Variants in SUV39H1 observed in about 807,000 individuals in gnomAD.
SUV39H1 encodes SUV39H1 histone lysine methyltransferase.
For missense variants in SUV39H1, 180 were observed against 386.3 expected, an observed-to-expected ratio of 0.47 and a Z score of 4.48; for synonymous variants, 141 against 150.5, an observed-to-expected ratio of 0.94 and a Z score of 0.46.
In SUV39H1 at chrX:48,700,174, G is replaced by A; in HGVS notation, c.249G>A (p.Val83=). 1 of 1,201,953 alleles carries A rather than the reference G, an allele frequency of 8.3e-7. No homozygotes were observed. Among genetic ancestry groups the A allele is most frequent in the East Asian group, 3.0e-5 (1 of 33,493 alleles). ...TWEPRQNLKC[V]RILKQFHKDL... ...AGCCACGGCAGAATCTCAAGTGTGT[G>A]CGTATCCTCAAGCAGTTCCACAAGG... Residue 83 remains valine (V), a synonymous_variant, in exon 3 of 6, where the codon GTG becomes GTA. Coordinates refer to ENST00000376687, the MANE Select transcript of SUV39H1 (RefSeq NM_003173.4).
upstream of SUV39H1, chrX:48,695,830 T>A: frequency 8.7e-7 from 1 of 1,155,859 alleles, no homozygotes; most frequent in African/African-American, 1.8e-5. Flanking sequence ...ATGGTGGGGA[T>A]GAGTCGCCTG....
rs781829737 is a variant in SUV39H1 at position 48,706,737 on chromosome X, G to A, written c.1105+110G>A. 5 of 935,462 alleles carry A rather than the reference G, an allele frequency of 5.3e-6. No individual in the cohort carries two copies. The African/African-American group carries it at 6.0e-5, about 11-fold the overall frequency. The allele number at this position is 935,462 out of a possible 1,213,427, so 77.1% of individuals were successfully genotyped here. A position where few individuals can be genotyped will look rare whatever the true frequency, so the allele number is the denominator to read the frequency against. On this transcript the variant is annotated intron_variant, in intron 5 of 5. Coordinates refer to ENST00000376687, the MANE Select transcript of SUV39H1 (RefSeq NM_003173.4). ...AGAACCAAGGAAAATTCTTTAGCGG[G>A]AGCTTTAAGATGCTCTTCCTGACTC...
chrX:48,696,616 G>T, upstream of SUV39H1: 1 of 625,502 alleles, frequency 1.6e-6, no homozygotes, highest in South Asian at 3.6e-5. Context: ...CCGCCTCCGG[G>T]ACCGAGCCGG....
At position 48,696,817 on chromosome X, in the gene SUV39H1, G is replaced by A. The variant is rs1557008687; in HGVS notation, c.19+14G>A. On this transcript the variant is annotated intron_variant, in intron 1 of 5. Coordinates refer to ENST00000376687, the MANE Select transcript of SUV39H1 (RefSeq NM_003173.4). ...AAAATTTAAAAGGTGAAGCAGTGGA[G>A]GCAGAGGCGCGGGCCCGCTGGCCGG... is the stretch of plus-strand genomic sequence containing the variant. 1.2e-5 allele frequency: 13 copies of A among 1,122,281 alleles called. No homozygotes were observed. The highest frequency in any genetic ancestry group is 4.1e-5 in the South Asian group (2 of 48,921). The allele number at this position is 1,122,281 out of a possible 1,213,427, so 92.5% of individuals were successfully genotyped here. A position where few individuals can be genotyped will look rare whatever the true frequency, so the allele number is the denominator to read the frequency against.
At chrX:48,705,615 GCTT>G (rs1477677284) in intron 3 of SUV39H1, among the ~76,000 whole-genome samples, 1 of 112,464 alleles carries the variant, frequency 8.9e-6, no homozygotes, top group African/African-American at 3.2e-5. Flanking sequence ...CCGAGGGAGA[GCTT>G]CTCTCACTGT....
rs782590726 is a variant in SUV39H1 at position 48,700,301 on chromosome X, C to T, written c.376C>T (p.Arg126Trp). 6 of 1,207,160 alleles carry T rather than the reference C, an allele frequency of 5.0e-6. No homozygotes were observed. Among genetic ancestry groups the T allele is most frequent in the Non-Finnish European group, 6.7e-6 (6 of 892,777 alleles). ...NYLVQKAKQR[R>W]ALRRWEQELN... ...CCTGGTGCAGAAGGCCAAGCAGAGG[C>T]GGGCGCTCCGTCGCTGGGAGCAGGA... The change falls in exon 3 of 6, where the codon CGG becomes TGG. Residue 126 changes from arginine to tryptophan, a missense_variant. By Grantham distance (101) the Arg-to-Trp change is moderately radical. Transcript: ENST00000376687.
intron 1 of SUV39H1, among the ~76,000 whole-genome samples, chrX:48,698,530 T>TG (rs1482804928): frequency 1.8e-5 from 2 of 111,284 alleles, no homozygotes; most frequent in African/African-American, 6.5e-5. Flanking sequence ...CCTACTGAGA[T>TG]GGGGGGTTGT....
Position 48,700,397 on chromosome X carries a change from C to T in SUV39H1, c.472C>T (p.Arg158Trp), listed in dbSNP as rs1457998837. ...TGAGGTGGACCTGGACGGCCCTCCG[C>T]GGGCCTTCGTGTACATCAATGAGTA... is the stretch of plus-strand genomic sequence containing the variant. ...ENEVDLDGPP[R>W]AFVYINEYRV... The change falls in exon 3 of 6, where the codon CGG (arginine) becomes TGG (tryptophan). Residue 158 changes from arginine (R) to tryptophan (W), a missense_variant. Coordinates refer to ENST00000376687, the MANE Select transcript of SUV39H1 (RefSeq NM_003173.4). The T allele has an allele frequency of 9.1e-6, 11 of 1,210,714 alleles. No individual in the cohort carries two copies. Among genetic ancestry groups the T allele is most frequent in the African/African-American group, 5.2e-5 (3 of 57,370 alleles).
Position 48,706,256 on chromosome X carries a change from T to C in SUV39H1, c.829-9T>C. 16 of 1,207,474 alleles carry C rather than the reference T, an allele frequency of 1.3e-5. No individual in the cohort carries two copies. The highest frequency in any genetic ancestry group is 1.8e-5 in the Non-Finnish European group (16 of 893,588). On this transcript the variant is annotated splice_polypyrimidine_tract_variant and intron_variant, in intron 3 of 5. Coordinates refer to ENST00000376687, the MANE Select transcript of SUV39H1 (RefSeq NM_003173.4). ...GCCAATCTCCCCTTACCCATGGCCC[T>C]TTCCCTAGATCATTACCTCAGAGGA...
In SUV39H1 at chrX:48,698,972, C is replaced by T. The variant is rs1557009029; in HGVS notation, c.90C>T (p.Cys30=). ...QDLCRLAKLS[C]PALGISKRNL... is the part of the protein sequence containing the mutation. ...TGTGCCGCCTGGCCAAGCTCTCCTG[C>T]CCTGCCCTCGGTATCTCTAAGAGGA... Residue 30 remains cysteine (C), a synonymous_variant, in exon 2 of 6, where the codon TGC becomes TGT. Transcript: ENST00000376687. 2.5e-6 allele frequency: 3 copies of T among 1,210,370 alleles called. No individual in the cohort carries two copies. The highest frequency in any genetic ancestry group is 3.5e-5 in the South Asian group (2 of 56,639).
In SUV39H1 at chrX:48,707,833, T is replaced by A. The variant is rs1557010414; in HGVS notation, c.*263T>A. 6.9e-6 allele frequency: 3 copies of A among 435,335 alleles called. No homozygotes were observed. The East Asian group carries it at 1.5e-4, about 21-fold the overall frequency. 35.9% of individuals were successfully genotyped at this position (435,335 alleles called of 1,213,427 possible). ...AGAAATAGTTTTTCAACATCAAGAC[T>A]CTCTGTCGTTGGGATTCATGGCCTA... is the stretch of plus-strand genomic sequence containing the variant. On this transcript the variant is annotated 3_prime_UTR_variant, in exon 6 of 6. Transcript: ENST00000376687.
At chrX:48,700,068 G>A (rs782718223) in intron 2 of SUV39H1, 23 bp from the exon 3 acceptor site, 13 of 455,434 alleles carry the variant, frequency 2.9e-5, no homozygotes, top group South Asian at 8.1e-5. Context: ...CGGTACCCCC[G>A]TCCCCCTACC....
intron 3 of SUV39H1, among the ~76,000 whole-genome samples, chrX:48,703,808 G>C (rs1350424699): frequency 1.8e-5 from 2 of 111,006 alleles, no homozygotes; most frequent in Non-Finnish European, 3.8e-5. Flanking sequence ...CTTTACAACA[G>C]CCCCTGTCAG....
At chrX:48,696,578 A>G (rs2147271251), upstream of SUV39H1, 1 of 391,102 alleles carries the variant, frequency 2.6e-6, no homozygotes, top group Non-Finnish European at 4.1e-6. Flanking sequence ...CGCCGCCCAG[A>G]CGCACTCTGG....
At chrX:48,704,676 T>TA (rs2062485288) in intron 3 of SUV39H1, among the ~76,000 whole-genome samples, 1 of 112,129 alleles carries the variant, frequency 8.9e-6, no homozygotes, top group Non-Finnish European at 1.9e-5. Flanking sequence ...CAACTCGTTT[T>TA]AGAGAATCCG....
chrX:48,707,380 T>C (rs1412977210), intron 5 of SUV39H1, 57 bp from the exon 6 acceptor site: 1 of 1,075,436 alleles, frequency 9.3e-7, no homozygotes, highest in Non-Finnish European at 1.3e-6. Context: ...CCTCCCTCCT[T>C]CTCCCCCTCC....
upstream of SUV39H1, chrX:48,695,949 C>A (rs782182163): frequency 6.3e-6 from 7 of 1,114,273 alleles, no homozygotes; most frequent in East Asian, 2.0e-4. Context: ...TGTGACTGAT[C>A]GTGGTGTGAA....
rs1557010455 is a variant in SUV39H1 at position 48,708,051 on chromosome X, C to G, written c.*481C>G. 4.4e-6 allele frequency: 1 copy of G among 228,380 alleles called. No individual in the cohort carries two copies. The highest frequency in any genetic ancestry group is 6.3e-5 in the Admixed American group (1 of 15,805). The allele number at this position is 228,380 out of a possible 1,213,427, so 18.8% of individuals were successfully genotyped here. A position where few individuals can be genotyped will look rare whatever the true frequency, so the allele number is the denominator to read the frequency against. The stretch of plus-strand genomic sequence containing the variant: ...GCCCGACATGAAGCTGGTTCCCCAA[C>G]CACAGAAACTTTGTACTAGTGAAAG... On this transcript the variant is annotated 3_prime_UTR_variant, in exon 6 of 6. Transcript: ENST00000376687.
Position 48,696,954 on chromosome X carries a change from CCTGGTGCGCGGGG to C in SUV39H1, c.19+156_19+168del, listed in dbSNP as rs1325759693. The C allele has an allele frequency of 4.8e-5, 14 of 289,559 alleles. No individual in the cohort carries two copies. The Admixed American group carries it at 8.6e-4, about 18-fold the overall frequency. The allele number at this position is 289,559 out of a possible 1,213,427, so 23.9% of individuals were successfully genotyped here. ...AAGGATGAGGCTCGGGGAGCGCGGG[CCTGGTGCGCGGGG>C]CTGGGCGGGGCTCAGGGGAGGGGGC... On this transcript the variant is annotated intron_variant, in intron 1 of 5. Transcript: ENST00000376687.
Sources: allele counts gnomAD v4.1 joint callset (sites outside exome capture counted in the v4.1 genomes callset), GRCh38; gene constraint gnomAD v4.1.1; transcripts MANE v1.5; gene names NCBI Gene and HGNC (gene_info 2026-07-23, HGNC 2026-07-21).